ZNF382: variants seen among roughly 807,000 people sequenced by gnomAD.
The protein encoded by ZNF382 is KRAB/zinc finger suppressor protein 1.
A neutral mutation model predicts 38.8 loss-of-function variants in ZNF382; 20 were observed. The observed-to-expected ratio is 0.51, with a 90% confidence interval of 0.36 to 0.75. The LOEUF (loss-of-function observed/expected upper bound fraction) is 0.75, where lower values mean the gene tolerates loss of function less well. ZNF382 is among the 30% of genes least tolerant of loss of function. The pLI is 0.00. For synonymous variants in ZNF382, 202 were observed against 223.1 expected (o/e 0.91, Z 0.84); for missense variants, 546 against 654.1 (o/e 0.83, Z 1.80).
chr19:36,615,647 A>G (rs908036017), intron 4 of ZNF382, among the ~76,000 whole-genome samples: 4 of 152,218 alleles, frequency 2.6e-5, no homozygotes, highest in Non-Finnish European at 4.4e-5. Context: ...TAGCACATAC[A>G]AGTAAAAGGC....
At chr19:36,620,495 A>C (rs1202643723) in intron 4 of ZNF382, among the ~76,000 whole-genome samples, 2 of 152,156 alleles carry the variant, frequency 1.3e-5, no homozygotes, top group Admixed American at 1.3e-4. Context: ...TCCTTAAAGC[A>C]TTTTATTCAC....
chr19:36,625,957 A>G (rs2037209554), intron 4 of ZNF382, among the ~76,000 whole-genome samples, 173 bp from the exon 5 acceptor site: 1 of 152,166 alleles, frequency 6.6e-6, no homozygotes, highest in African/African-American at 2.4e-5. Flanking sequence ...TCATTTTAAC[A>G]GAGTAGCAAG....
intron 4 of ZNF382, among the ~76,000 whole-genome samples, chr19:36,623,886 C>T (rs762077834): frequency 1.3e-5 from 2 of 151,040 alleles, no homozygotes; most frequent in East Asian, 2.0e-4. Context: ...GTCGGGAGTT[C>T]GAGACCAGCC....
intron 4 of ZNF382, among the ~76,000 whole-genome samples, chr19:36,624,356 T>C (rs553939247): frequency 4.0e-4 from 61 of 152,364 alleles, no homozygotes; most frequent in Admixed American, 1.1e-3. Context: ...TATTCTATTG[T>C]GTAATACATG....
chr19:36,619,978 G>A (rs572183887), intron 4 of ZNF382, among the ~76,000 whole-genome samples: 135 of 152,202 alleles, frequency 8.9e-4, no homozygotes, highest in African/African-American at 2.9e-3. Context: ...AGATCTGCCC[G>A]CCCCGGCCTC....
rs770449856 is a variant in ZNF382 at position 36,626,260 on chromosome 19, T to G, written c.363T>G (p.Phe121Leu). The change falls in exon 5 of 5, where the codon TTT (phenylalanine) becomes TTG (leucine). Residue 121 changes from phenylalanine (F) to leucine (L), a missense_variant. Physicochemically the swap from Phe to Leu is conservative, Grantham distance 22 (BLOSUM62 0). Transcript: ENST00000292928. ...KERSNIYGKT[F>L]TLGKNRISKT... Reference sequence around the variant, plus strand: ...GAAGTAATATTTATGGTAAAACATTTACTCTAGGCAAGAACCGTATTTCAA... The same window carrying G: ...GAAGTAATATTTATGGTAAAACATTGACTCTAGGCAAGAACCGTATTTCAA... The G allele has an allele frequency of 6.8e-6, 11 of 1,608,676 alleles. No homozygotes were observed. Among genetic ancestry groups the G allele is most frequent in the Middle Eastern group, 1.7e-4 (1 of 6,026 alleles).
chr19:36,609,753 C>T (rs1373476540), intron 2 of ZNF382, 149 bp from the exon 3 acceptor site: 1 of 730,972 alleles, frequency 1.4e-6, no homozygotes. Flanking sequence ...GTATGTTTAG[C>T]ATGAGATTAT....
At chr19:36,615,981 C>G (rs2037122997) in intron 4 of ZNF382, among the ~76,000 whole-genome samples, 1 of 152,114 alleles carries the variant, frequency 6.6e-6, no homozygotes, top group South Asian at 2.1e-4. Flanking sequence ...ACTTGAAAGG[C>G]CTTTGGGTTA....
At chr19:36,624,559 C>T (rs1216719930) in intron 4 of ZNF382, among the ~76,000 whole-genome samples, 4 of 152,126 alleles carry the variant, frequency 2.6e-5, no homozygotes, top group African/African-American at 9.7e-5. Flanking sequence ...AATCAGTGCT[C>T]TGCACATACA....
intron 4 of ZNF382, among the ~76,000 whole-genome samples, chr19:36,611,126 A>G (rs2037073996): frequency 6.6e-6 from 1 of 152,076 alleles, no homozygotes; most frequent in Non-Finnish European, 1.5e-5. Context: ...TGTCTCTACT[A>G]AAAATACAAA....
Position 36,609,944 on chromosome 19 carries a change from G to A in ZNF382, c.30G>A (p.Lys10=), listed in dbSNP as rs2037063792. 2 of 1,613,766 alleles carry A rather than the reference G, an allele frequency of 1.2e-6. No individual in the cohort carries two copies. Among genetic ancestry groups the A allele is most frequent in the Admixed American group, 1.7e-5 (1 of 59,874 alleles). The change falls in exon 3 of 5, where the codon AAG becomes AAA. Residue 10 remains lysine, a synonymous_variant. Coordinates refer to ENST00000292928, the MANE Select transcript of ZNF382 (RefSeq NM_032825.5). The part of the protein sequence containing the change: MPLQGSVSF[K]DVTVDFTQEE... Reference sequence around the variant, plus strand: ...CCTTACAGGGATCAGTGTCATTCAAGGATGTGACTGTGGACTTCACCCAGG... The same window carrying A: ...CCTTACAGGGATCAGTGTCATTCAAAGATGTGACTGTGGACTTCACCCAGG...
At chr19:36,625,127 T>TATATATATATAA (rs1305998638) in intron 4 of ZNF382, among the ~76,000 whole-genome samples, 7 of 132,172 alleles carry the variant, frequency 5.3e-5, no homozygotes, top group Non-Finnish European at 1.1e-4. Context: ...TATATATATA[T>TATATATATATAA]AATGTATACA....
intron 4 of ZNF382, among the ~76,000 whole-genome samples, chr19:36,622,807 G>A (rs920484662): frequency 2.0e-5 from 3 of 152,086 alleles, no homozygotes; most frequent in Non-Finnish European, 2.9e-5. Context: ...TGAAGTTAAA[G>A]GTTCGGCCTC....
rs934051845 is a variant in ZNF382 at position 36,634,077 on chromosome 19, A to AT, written c.*6534dup. Reference sequence around the variant, plus strand: ...AAAAAAGTGAATTGTACTGTCTGTAATTTTTTTAAATAAATAAAAATCCCT... The same window carrying AT: ...AAAAAAGTGAATTGTACTGTCTGTAATTTTTTTTAAATAAATAAAAATCCCT... On this transcript the variant is annotated 3_prime_UTR_variant, in exon 5 of 5. Coordinates refer to ENST00000292928, the MANE Select transcript of ZNF382 (RefSeq NM_032825.5). The AT allele has an allele frequency of 1.3e-5, 2 of 152,130 alleles. No individual in the cohort carries two copies. The highest frequency in any genetic ancestry group is 2.9e-5 in the Non-Finnish European group (2 of 68,018). 9.4% of individuals were successfully genotyped at this position (152,130 alleles called of 1,614,324 possible). A position where few individuals can be genotyped will look rare whatever the true frequency, so the allele number is the denominator to read the frequency against.
intron 4 of ZNF382, among the ~76,000 whole-genome samples, chr19:36,617,530 G>C (rs1340168455): frequency 2.0e-5 from 3 of 152,114 alleles, no homozygotes; most frequent in African/African-American, 7.2e-5. Context: ...TAATCAATCT[G>C]TTCCTATCCA....
intron 4 of ZNF382, among the ~76,000 whole-genome samples, chr19:36,613,495 C>T (rs903902060): frequency 2.7e-5 from 4 of 148,028 alleles, no homozygotes; most frequent in Non-Finnish European, 4.5e-5. Context: ...GTGATCTCAA[C>T]TCACCGCAAC....
rs1189588372 is a variant in ZNF382 at position 36,629,998 on chromosome 19, A to C, written c.*2448A>C. Reference sequence around the variant, plus strand: ...ATGAGCAAAGGTATTGTTGTTACTAATAGGTGATTTTGGCATGAAGAAAAA... The same window carrying C: ...ATGAGCAAAGGTATTGTTGTTACTACTAGGTGATTTTGGCATGAAGAAAAA... On this transcript the variant is annotated 3_prime_UTR_variant, in exon 5 of 5. Coordinates refer to ENST00000292928, the MANE Select transcript of ZNF382 (RefSeq NM_032825.5). 2 of 152,210 alleles carry C rather than the reference A, an allele frequency of 1.3e-5. No homozygotes were observed. Among genetic ancestry groups the C allele is most frequent in the African/African-American group, 4.8e-5 (2 of 41,454 alleles). 9.4% of individuals were successfully genotyped at this position (152,210 alleles called of 1,614,324 possible). A position where few individuals can be genotyped will look rare whatever the true frequency, so the allele number is the denominator to read the frequency against.
In ZNF382 at chr19:36,628,730, T is replaced by G. The variant is rs1464223160; in HGVS notation, c.*1180T>G. The G allele has an allele frequency of 6.6e-6, 1 of 152,578 alleles. No individual in the cohort carries two copies. The highest frequency in any genetic ancestry group is 1.5e-5 in the Non-Finnish European group (1 of 68,056). The allele number at this position is 152,578 out of a possible 1,614,324, so 9.5% of individuals were successfully genotyped here. A position where few individuals can be genotyped will look rare whatever the true frequency, so the allele number is the denominator to read the frequency against. ...GTTGAAGTTAGGGCGTGGGGAGGAA[T>G]ATAGTCTTTACCTATGGTCTGTATC... On this transcript the variant is annotated 3_prime_UTR_variant, in exon 5 of 5. Transcript: ENST00000292928.
intron 4 of ZNF382, among the ~76,000 whole-genome samples, chr19:36,617,040 G>A (rs2037131250): frequency 1.3e-5 from 2 of 152,132 alleles, no homozygotes; most frequent in Non-Finnish European, 1.5e-5. Context: ...AGGAGCCAGT[G>A]TAGAGAATCC....
Sources: gnomAD v4.1 joint callset for allele counts (sites outside exome capture counted in the v4.1 genomes callset) on GRCh38, gnomAD v4.1.1 for gene constraint, MANE v1.5 for transcripts, NCBI Gene and HGNC (gene_info 2026-07-23, HGNC 2026-07-21) for gene names.